AGBL4: variants seen among roughly 807,000 people sequenced by gnomAD.
The protein encoded by AGBL4 is cytosolic carboxypeptidase 6.
A neutral mutation model predicts 66.4 loss-of-function variants in AGBL4; 58 were observed. The observed-to-expected ratio is 0.87, with a 90% CI of 0.71 to 1.09. The LOEUF (loss-of-function observed/expected upper bound fraction) is 1.09. AGBL4 is among the 50% of genes least tolerant of loss of function. The pLI, the probability that AGBL4 is intolerant of heterozygous loss-of-function variation, is 0.00. For missense variants in AGBL4, 579 were observed against 631.0 expected, an observed-to-expected ratio of 0.92 and a Z score of 0.88; for synonymous variants, 234 against 222.9, an observed-to-expected ratio of 1.05 and a Z score of -0.44.
chr1:49,738,627 C>A (rs868867637), intron 2 of AGBL4, among the ~76,000 whole-genome samples: 1 of 152,308 alleles, frequency 6.6e-6, no homozygotes, highest in African/African-American at 2.4e-5. Flanking sequence ...TCCTTGACCC[C>A]CAAGTAGCCT....
chr1:49,661,486 C>T (rs1408390771), intron 3 of AGBL4, among the ~76,000 whole-genome samples: 2 of 152,086 alleles, frequency 1.3e-5, no homozygotes, highest in Non-Finnish European at 2.9e-5. Context: ...AACTTCCCTT[C>T]TCTCGCTCTT....
At chr1:49,784,437 G>T (rs1644404634) in intron 2 of AGBL4, among the ~76,000 whole-genome samples, 1 of 152,018 alleles carries the variant, frequency 6.6e-6, no homozygotes, top group South Asian at 2.1e-4. Flanking sequence ...ACAAAATTAT[G>T]CAGTTGGAAC....
chr1:49,289,229 G>A (rs1339320786), intron 3 of AGBL4, among the ~76,000 whole-genome samples: 1 of 152,040 alleles, frequency 6.6e-6, no homozygotes, highest in Non-Finnish European at 1.5e-5. Context: ...CTGAAATTAA[G>A]AATTTAACAG....
intron 9 of AGBL4, among the ~76,000 whole-genome samples, chr1:48,599,415 A>G (rs1046906642): frequency 1.7e-4 from 26 of 152,334 alleles, no homozygotes; most frequent in African/African-American, 4.8e-4. Context: ...TGAATGAGTA[A>G]TGCATTCCCC....
chr1:48,928,051 G>A (rs542138625), intron 5 of AGBL4, among the ~76,000 whole-genome samples: 9 of 152,172 alleles, frequency 5.9e-5, no homozygotes, highest in Non-Finnish European at 1.3e-4. Flanking sequence ...ATCTGAGAAA[G>A]TTTTGAAAAT....
At chr1:49,713,400 C>A (rs1647824431) in intron 2 of AGBL4, among the ~76,000 whole-genome samples, 1 of 151,972 alleles carries the variant, frequency 6.6e-6, no homozygotes, top group African/African-American at 2.4e-5. Context: ...AATTCATTAA[C>A]ATAGATAGTT....
intron 6 of AGBL4, among the ~76,000 whole-genome samples, chr1:48,698,616 ATC>A (rs1297056569): frequency 1.3e-5 from 2 of 152,152 alleles, no homozygotes; most frequent in African/African-American, 4.8e-5. Context: ...ACAGATTCTT[ATC>A]TCCATTTGAT....
intron 1 of AGBL4, chr1:49,995,101 T>A (rs1660265282): frequency 2.2e-6 from 1 of 455,832 alleles, no homozygotes; most frequent in African/African-American, 2.0e-5. Context: ...AGCTGAACTT[T>A]GTAACAATTT....
At position 48,712,618 on chromosome 1, in the gene AGBL4, G is replaced by T. The variant is rs140871872; in HGVS notation, c.635-49377C>A. ...GCAGGGTTAAGGGACTTGCTCAGCT[G>T]CAGGCCTAGCACCCAGGAAGCATCC... On this transcript the variant is annotated intron_variant, in intron 6 of 13. Transcript: ENST00000371839. Among the ~76,000 whole-genome samples the T allele has an allele frequency of 6.6e-5, 10 of 152,262 alleles. No homozygotes were observed. The East Asian group carries it at 1.7e-3, about 26-fold the overall frequency.
chr1:49,283,837 T>C (rs543857175), intron 3 of AGBL4, among the ~76,000 whole-genome samples: 57 of 144,300 alleles, frequency 4.0e-4, no homozygotes, highest in African/African-American at 1.4e-3. Flanking sequence ...TAAAAAGAAA[T>C]GAGCAAAGCC....
At chr1:48,755,674 C>A (rs552369533) in intron 6 of AGBL4, among the ~76,000 whole-genome samples, 1 of 152,160 alleles carries the variant, frequency 6.6e-6, no homozygotes, top group East Asian at 1.9e-4. Flanking sequence ...GGATCTGTTA[C>A]AGCAAGGGGA....
intron 3 of AGBL4, among the ~76,000 whole-genome samples, chr1:49,314,016 C>T (rs988382797): frequency 6.6e-6 from 1 of 152,152 alleles, no homozygotes; most frequent in Non-Finnish European, 1.5e-5. Context: ...ACGTTTAACT[C>T]CTTAATCCAT....
At chr1:48,960,921 C>G (rs1401216507) in intron 5 of AGBL4, among the ~76,000 whole-genome samples, 1 of 152,166 alleles carries the variant, frequency 6.6e-6, no homozygotes, top group Non-Finnish European at 1.5e-5. Context: ...ATCTATAATA[C>G]ACACTCTGCA....
At chr1:49,866,700 G>A (rs142352247) in intron 1 of AGBL4, among the ~76,000 whole-genome samples, 373 of 152,116 alleles carry the variant, frequency 2.5e-3, no homozygotes, top group African/African-American at 8.6e-3. Context: ...GAAGGTGGAG[G>A]TTGCAATGAG....
intron 6 of AGBL4, among the ~76,000 whole-genome samples, chr1:48,724,452 A>G (rs1452681521): frequency 6.6e-6 from 1 of 152,164 alleles, no homozygotes; most frequent in Non-Finnish European, 1.5e-5. Flanking sequence ...GCAGCTGACC[A>G]GGTGGTTTAC....
At chr1:49,050,242 G>C (rs1248870613) in intron 4 of AGBL4, among the ~76,000 whole-genome samples, 1 of 152,050 alleles carries the variant, frequency 6.6e-6, no homozygotes, top group Non-Finnish European at 1.5e-5. Context: ...ATTCAGTCAT[G>C]CATGACTGAA....
chr1:48,814,190 T>A (rs535085362), intron 6 of AGBL4, among the ~76,000 whole-genome samples: 1 of 152,276 alleles, frequency 6.6e-6, no homozygotes, highest in African/African-American at 2.4e-5. Context: ...ACCTTGAATC[T>A]CTTTGCTCTT....
intron 3 of AGBL4, among the ~76,000 whole-genome samples, chr1:49,417,688 C>T (rs1207205934): frequency 6.6e-6 from 1 of 152,044 alleles, no homozygotes; most frequent in Admixed American, 6.6e-5. Flanking sequence ...CCCATTCTTC[C>T]CCTTGTAACT....
intron 6 of AGBL4, among the ~76,000 whole-genome samples, chr1:48,810,501 G>T (rs1310023559): frequency 6.6e-6 from 1 of 152,122 alleles, no homozygotes; most frequent in Non-Finnish European, 1.5e-5. Context: ...GTCTACCATT[G>T]ATTAGATTTG....
Sources: allele counts gnomAD v4.1 joint callset (sites outside exome capture counted in the v4.1 genomes callset), GRCh38; gene constraint gnomAD v4.1.1; transcripts MANE v1.5; gene names NCBI Gene and HGNC (gene_info 2026-07-23, HGNC 2026-07-21).